Variants in PIGX observed in about 807,000 individuals in gnomAD.
PIGX encodes the protein phosphatidylinositol glycan anchor biosynthesis class X.
A neutral mutation model predicts 28.7 loss-of-function variants in PIGX; 24 were observed. The ratio of observed to expected loss-of-function variants is 0.84; its 90% confidence interval spans 0.60 to 1.17. The LOEUF (loss-of-function observed/expected upper bound fraction) is 1.17, where lower values mean the gene tolerates loss of function less well. PIGX is among the 50% of genes most tolerant of loss of function. The probability of loss-of-function intolerance (pLI) is 0.00; values close to 1 mark genes in which losing one functional copy is unlikely to be tolerated. For synonymous variants in PIGX, 127 were observed against 121.0 expected (o/e 1.05, Z -0.33); for missense variants, 305 against 317.8 (o/e 0.96, Z 0.31).
At chr3:196,720,711 A>G (rs935418916) in intron 2 of PIGX, among the ~76,000 whole-genome samples, 1 of 151,586 alleles carries the variant, frequency 6.6e-6, no homozygotes, top group Non-Finnish European at 1.5e-5. Flanking sequence ...CATGAGAAAG[A>G]AGTCTTTTAT....
intron 5 of PIGX, among the ~76,000 whole-genome samples, chr3:196,732,793 G>A (rs557433286): frequency 1.7e-4 from 26 of 152,194 alleles, no homozygotes; most frequent in Admixed American, 1.0e-3. Flanking sequence ...CCCAAGTTAC[G>A]TACATTTTAA....
At chr3:196,721,029 T>C (rs1712302293) in intron 2 of PIGX, 1 of 172,110 alleles carries the variant, frequency 5.8e-6, no homozygotes, top group African/African-American at 2.4e-5. Context: ...TGGATAATAA[T>C]GTGCCTTGAT....
chr3:196,713,262 A>T, intron 1 of PIGX: 1 of 237,564 alleles, frequency 4.2e-6, no homozygotes, highest in Non-Finnish European at 6.8e-6. Flanking sequence ...GTGTTTACAT[A>T]TTGGGTTTTC....
chr3:196,732,491 A>G (rs113979083), intron 5 of PIGX, among the ~76,000 whole-genome samples: 2,416 of 150,798 alleles, frequency 0.016, 55 homozygotes, highest in African/African-American at 0.056. Flanking sequence ...TGTGTTGGCC[A>G]GGCTGGTCTC....
chr3:196,732,237 TATATATATATATATA>T (rs1712806113), intron 5 of PIGX, among the ~76,000 whole-genome samples: 18 of 63,188 alleles, frequency 2.8e-4, no homozygotes, highest in African/African-American at 1.2e-3. Context: ...TATATATATA[TATATATATATATATA>T]TATATTTTAT....
Position 196,712,416 on chromosome 3 carries a change from T to G in PIGX, c.-117T>G. 1 of 408,308 alleles carries G rather than the reference T, an allele frequency of 2.4e-6. No individual in the cohort carries two copies. Among genetic ancestry groups the G allele is most frequent in the East Asian group, 7.5e-5 (1 of 13,336 alleles). The allele number at this position is 408,308 out of a possible 1,614,324, so 25.3% of individuals were successfully genotyped here. ...GGCGCTAGGCGCGCGCACCCAGCAC[T>G]CGGTCCCAGCCGATAAATCTGGGGC... On this transcript the variant is annotated 5_prime_UTR_variant, in exon 1 of 6. Coordinates refer to ENST00000392391, the MANE Select transcript of PIGX (RefSeq NM_017861.4).
chr3:196,724,022 GTTT>G (rs1462271791), intron 3 of PIGX, among the ~76,000 whole-genome samples: 2 of 129,968 alleles, frequency 1.5e-5, no homozygotes, highest in Non-Finnish European at 3.4e-5. Flanking sequence ...TTAATTTAAT[GTTT>G]TTTTTTTTTT....
At chr3:196,719,366 C>G (rs1712221976) in intron 2 of PIGX, among the ~76,000 whole-genome samples, 1 of 151,786 alleles carries the variant, frequency 6.6e-6, no homozygotes, top group South Asian at 2.1e-4. Context: ...TTCTAGGGTA[C>G]ATGTGCACAA....
At chr3:196,729,248 A>G (rs938161969) in intron 4 of PIGX, among the ~76,000 whole-genome samples, 11 of 151,918 alleles carry the variant, frequency 7.2e-5, no homozygotes, top group African/African-American at 1.2e-4. Flanking sequence ...CAGGAGAATC[A>G]TTTGAACCCA....
intron 5 of PIGX, among the ~76,000 whole-genome samples, chr3:196,731,982 T>C (rs991282381): frequency 5.3e-5 from 8 of 150,672 alleles, no homozygotes; most frequent in Admixed American, 2.7e-4. Context: ...CCTGCCACCA[T>C]GCCCGGCTAA....
chr3:196,731,409 T>C (rs1712748541), intron 5 of PIGX, among the ~76,000 whole-genome samples: 1 of 152,158 alleles, frequency 6.6e-6, no homozygotes, highest in African/African-American at 2.4e-5. Flanking sequence ...AACTCCTGAC[T>C]TTAGGTGATC....
intron 4 of PIGX, chr3:196,728,782 G>A (rs1712625776): frequency 1.3e-6 from 1 of 766,284 alleles, no homozygotes; most frequent in Non-Finnish European, 2.4e-6. Flanking sequence ...CTTCTCAGTA[G>A]CCATTTAATA....
chr3:196,712,719 G>A, intron 1 of PIGX, 75 bp downstream of exon 1: 1 of 1,134,900 alleles, frequency 8.8e-7, no homozygotes, highest in Non-Finnish European at 1.1e-6. Context: ...GGGTTGCGGG[G>A]ATGTGGGGAC....
Position 196,716,911 on chromosome 3 carries a change from G to C in PIGX, c.166G>C (p.Gly56Arg). 1 of 1,586,722 alleles carries C rather than the reference G, an allele frequency of 6.3e-7. No homozygotes were observed. The highest frequency in any genetic ancestry group is 1.7e-5 in the Admixed American group (1 of 59,920). ...TTTGAGGCAAGAAGTTTTGAAAGAT[G>C]GTTTCCACAGGTAAGTTGCCTGTTG... The change falls in exon 2 of 6, where the codon GGT becomes CGT. Residue 56 changes from glycine (G) to arginine (R), a missense_variant. Transcript: ENST00000392391.
At chr3:196,719,068 A>G (rs1290455931) in intron 2 of PIGX, among the ~76,000 whole-genome samples, 1 of 152,046 alleles carries the variant, frequency 6.6e-6, no homozygotes, top group African/African-American at 2.4e-5. Flanking sequence ...TGTTTCCTGT[A>G]GATAGCATAT....
intron 2 of PIGX, chr3:196,721,179 A>G (rs924116514): frequency 8.0e-6 from 3 of 373,608 alleles, no homozygotes; most frequent in African/African-American, 2.2e-5. Flanking sequence ...TTTTTTAGGA[A>G]CTCCAAATAT....
intron 2 of PIGX, chr3:196,718,068 T>C (rs946173004): frequency 8.5e-5 from 13 of 152,288 alleles, no homozygotes; most frequent in African/African-American, 2.9e-4. Context: ...CCCAGCACTT[T>C]GGGAGGTCGA....
In PIGX at chr3:196,733,158, A is replaced by G. The variant is rs985416115; in HGVS notation, c.634-601A>G. ...GACACTGGGATATAGCTTTTCTTAA[A>G]ATAATATACTTTATGTAAAAAGCAG... On this transcript the variant is annotated intron_variant, in intron 5 of 5. Coordinates refer to ENST00000392391, the MANE Select transcript of PIGX (RefSeq NM_017861.4). The surrounding 1 kb of genome is among the most constrained non-coding windows in gnomAD (Gnocchi z 4.3). Among the ~76,000 whole-genome samples, 15 of 152,214 alleles carry G rather than the reference A, an allele frequency of 9.9e-5. No homozygotes were observed. Among genetic ancestry groups the G allele is most frequent in the African/African-American group, 3.6e-4 (15 of 41,448 alleles).
chr3:196,712,587 G>A lies in PIGX; in HGVS notation c.55G>A (p.Ala19Thr), dbSNP rs1711865106. Residue 19 changes from alanine (A) to threonine (T), a missense_variant, in exon 1 of 6, where the codon GCG becomes ACG. By Grantham distance (58) the Ala-to-Thr change is moderately conservative. Coordinates refer to ENST00000392391, the MANE Select transcript of PIGX (RefSeq NM_017861.4). ...GGCCGCCTGGCTGCTCCTCGGGGCG[G>A]CGACCGGGCTCACGCGCGGGCCCGC... 5 of 1,191,254 alleles carry A rather than the reference G, an allele frequency of 4.2e-6. No individual in the cohort carries two copies. Among genetic ancestry groups the A allele is most frequent in the Non-Finnish European group, 5.2e-6 (5 of 961,868 alleles). The allele number at this position is 1,191,254 out of a possible 1,614,324, so 73.8% of individuals were successfully genotyped here.
Sources: allele counts gnomAD v4.1 joint callset (sites outside exome capture counted in the v4.1 genomes callset), GRCh38; gene constraint gnomAD v4.1.1; non-coding constraint Gnocchi (gnomAD v3.1); transcripts MANE v1.5; gene names NCBI Gene and HGNC (gene_info 2026-07-23, HGNC 2026-07-21).